Variants in FER1L6 observed in about 807,000 individuals in gnomAD.
The protein encoded by FER1L6 is fer-1-like protein 6.
In FER1L6, 177 loss-of-function variants were observed where a neutral mutation model predicts 219.2. The observed-to-expected ratio is 0.81, with a 90% CI of 0.71 to 0.91. The LOEUF is 0.91. Ranked by LOEUF, FER1L6 falls within the 40% of genes least tolerant of loss-of-function variation. FER1L6 has a pLI of 0.00. For synonymous variants in FER1L6, 768 were observed against 824.3 expected, an observed-to-expected ratio of 0.93 and a Z score of 1.17; for missense variants, 2,153 against 2,259.9, an observed-to-expected ratio of 0.95 and a Z score of 0.96.
Position 123,985,913 on chromosome 8 carries a change from C to T in FER1L6, c.1411-155C>T, listed in dbSNP as rs145726728. 9.2e-5 allele frequency: 55 copies of T among 595,422 alleles called. No homozygotes were observed. In the Admixed American group the frequency reaches 1.1e-3, roughly 12 times the overall value. 36.9% of individuals were successfully genotyped at this position (595,422 alleles called of 1,614,324 possible). A position where few individuals can be genotyped will look rare whatever the true frequency, so the allele number is the denominator to read the frequency against. ...TGCAGTTTGCAGATCCTGATTCATACATGTCTTATTTGGGGGGAAACGCTG... is the reference window on the plus strand; with the variant it reads ...TGCAGTTTGCAGATCCTGATTCATATATGTCTTATTTGGGGGGAAACGCTG... On this transcript the variant is annotated intron_variant, in intron 11 of 40. Transcript: ENST00000522917.
chr8:124,034,678 T>C (rs2130703372), intron 18 of FER1L6, among the ~76,000 whole-genome samples: 1 of 152,292 alleles, frequency 6.6e-6, no homozygotes, highest in East Asian at 1.9e-4. Context: ...AGGAGGAAAG[T>C]GCATGGCAGG....
intron 13 of FER1L6, among the ~76,000 whole-genome samples, chr8:124,008,460 T>C (rs1441700151): frequency 2.0e-5 from 3 of 151,754 alleles, no homozygotes; most frequent in African/African-American, 7.3e-5. Flanking sequence ...TGGGTAGATA[T>C]CCAATAGTGG....
chr8:124,114,070 AT>A (rs1436797202), intron 39 of FER1L6, among the ~76,000 whole-genome samples: 2 of 152,106 alleles, frequency 1.3e-5, no homozygotes, highest in African/African-American at 2.4e-5. Context: ...TTTTATAAAA[AT>A]TTTTCTAACC....
At chr8:123,893,050 G>C (rs1230922633) in intron 1 of FER1L6, among the ~76,000 whole-genome samples, 1 of 152,106 alleles carries the variant, frequency 6.6e-6, no homozygotes, top group Non-Finnish European at 1.5e-5. Flanking sequence ...TGATTATTAT[G>C]TTAAATTGTT....
intron 22 of FER1L6, among the ~76,000 whole-genome samples, chr8:124,054,981 T>C (rs1820215861): frequency 6.6e-6 from 1 of 152,152 alleles, no homozygotes; most frequent in Non-Finnish European, 1.5e-5. Flanking sequence ...AGATTGGAGA[T>C]AAAGGCACCT....
At chr8:124,040,039 T>C (rs1275092948) in intron 20 of FER1L6, 33 bp downstream of exon 20, 4 of 1,613,242 alleles carry the variant, frequency 2.5e-6, no homozygotes, top group African/African-American at 2.7e-5. Context: ...CCTGCTTCTT[T>C]CCTGCAGCCT....
At chr8:124,078,695 G>T (rs1179263981) in intron 32 of FER1L6, among the ~76,000 whole-genome samples, 1 of 20,886 alleles carries the variant, frequency 4.8e-5, no homozygotes. Flanking sequence ...AAGACCCTGG[G>T]AAGGCATCCC....
chr8:124,017,539 T>C, intron 15 of FER1L6, 89 bp from the exon 16 acceptor site: 2 of 986,436 alleles, frequency 2.0e-6, no homozygotes, highest in South Asian at 1.5e-5. Context: ...CTTTCCACTG[T>C]ATTGCAGAAA....
intron 11 of FER1L6, 198 bp from the exon 12 acceptor site, chr8:123,985,869 GA>G (rs1209751165): frequency 1.8e-6 from 1 of 550,186 alleles, no homozygotes; most frequent in African/African-American, 1.9e-5. Flanking sequence ...CATTCTAGAT[GA>G]ATGACTAAAT....
chr8:123,891,516 T>G (rs1812647322), intron 1 of FER1L6, among the ~76,000 whole-genome samples: 1 of 152,184 alleles, frequency 6.6e-6, no homozygotes, highest in East Asian at 1.9e-4. Flanking sequence ...GTTCTGTCAT[T>G]AGAATGTTAG....
In FER1L6 at chr8:123,855,768, GTATATATA is replaced by G. The variant is rs200373312; in HGVS notation, c.-8+3585_-8+3592del. On this transcript the variant is annotated intron_variant, in intron 1 of 40. Transcript: ENST00000522917. ...TGTATGTGTGTATATATATGTGTGT[GTATATATA>G]TGTGTGTGTGTGTATATATATATAT... 6.0e-3 allele frequency among the ~76,000 whole-genome samples: 875 copies of G among 146,142 alleles called. 9 individuals carry two copies. Among genetic ancestry groups the G allele is most frequent in the African/African-American group, 0.022 (829 of 38,450 alleles).
intron 16 of FER1L6, among the ~76,000 whole-genome samples, chr8:124,021,198 A>T (rs1404227711): frequency 1.3e-5 from 2 of 152,166 alleles, no homozygotes; most frequent in Non-Finnish European, 2.9e-5. Context: ...CTCCTATGAT[A>T]TGTGGGGATC....
chr8:123,991,304 G>A (rs1243992937), intron 12 of FER1L6, among the ~76,000 whole-genome samples: 1 of 152,144 alleles, frequency 6.6e-6, no homozygotes, highest in South Asian at 2.1e-4. Context: ...TGAGAAGTAT[G>A]GTCATTTTCA....
chr8:124,039,275 T>G (rs1284978657), intron 19 of FER1L6, among the ~76,000 whole-genome samples: 5 of 152,146 alleles, frequency 3.3e-5, no homozygotes, highest in Admixed American at 6.5e-5. Flanking sequence ...CTGTACACAG[T>G]AGGTGCTCAG....
chr8:123,941,592 G>C (rs1814245782), intron 1 of FER1L6, among the ~76,000 whole-genome samples: 1 of 152,322 alleles, frequency 6.6e-6, no homozygotes, highest in Non-Finnish European at 1.5e-5. Context: ...TGTCTACTGT[G>C]TAGCCAGATG....
At chr8:123,961,359 C>T (rs768378023) in intron 2 of FER1L6, among the ~76,000 whole-genome samples, 1 of 152,150 alleles carries the variant, frequency 6.6e-6, no homozygotes, top group Non-Finnish European at 1.5e-5. Flanking sequence ...GATGCTTACG[C>T]ACATCACATT....
intron 12 of FER1L6, among the ~76,000 whole-genome samples, chr8:123,990,016 C>T (rs896877199): frequency 1.3e-5 from 2 of 152,056 alleles, no homozygotes; most frequent in Non-Finnish European, 2.9e-5. Context: ...TGCCTGTAAT[C>T]CCAGCACTTT....
At chr8:124,110,185 G>A (rs986331428) in intron 39 of FER1L6, among the ~76,000 whole-genome samples, 1 of 152,060 alleles carries the variant, frequency 6.6e-6, no homozygotes, top group African/African-American at 2.4e-5. Flanking sequence ...GCCTCTGTTT[G>A]TTCTTATCTT....
In FER1L6 at chr8:123,935,785, T is replaced by G. The variant is rs568585254; in HGVS notation, c.-7-20207T>G. 1.1e-4 allele frequency among the ~76,000 whole-genome samples: 16 copies of G among 152,244 alleles called. 1 individual carries two copies. In the East Asian group the frequency reaches 3.1e-3, roughly 29 times the overall value. On this transcript the variant is annotated intron_variant, in intron 1 of 40. Transcript: ENST00000522917. The stretch of plus-strand genomic sequence containing the variant: ...GATTTTTACTCTGCTTCATGAGCAA[T>G]ATGATGAGAGCAATAGACCAACTAT...
Sources: gnomAD v4.1 joint callset for allele counts (sites outside exome capture counted in the v4.1 genomes callset) on GRCh38, gnomAD v4.1.1 for gene constraint, MANE v1.5 for transcripts, NCBI Gene and HGNC (gene_info 2026-07-23, HGNC 2026-07-21) for gene names.